ADRA1A: variants seen among roughly 807,000 people sequenced by gnomAD.
The protein encoded by ADRA1A is adrenoceptor alpha 1A.
ADRA1A carries 31 observed loss-of-function variants against 29.6 expected under a neutral mutation model. The observed-to-expected ratio is 1.05, with a 90% CI of 0.79 to 1.41. ADRA1A has a LOEUF of 1.41. ADRA1A is among the 40% of genes most tolerant of loss of function. The probability of loss-of-function intolerance (pLI) is 0.00; values close to 1 mark genes in which losing one functional copy is unlikely to be tolerated. For synonymous variants in ADRA1A, 311 were observed against 254.3 expected, an observed-to-expected ratio of 1.22 and a Z score of -2.12; for missense variants, 619 against 601.1, an observed-to-expected ratio of 1.03 and a Z score of -0.31.
intron 2 of ADRA1A, among the ~76,000 whole-genome samples, chr8:26,788,181 A>G (rs554675977): frequency 2.0e-5 from 3 of 152,322 alleles, no homozygotes; most frequent in South Asian, 2.1e-4. Flanking sequence ...GGCTACAGAA[A>G]GATAAGGTAT....
rs149575931 is a variant in ADRA1A, at chr8:26,866,211, G to T, written c.-686-556C>A. On this transcript the variant is annotated intron_variant, in intron 1 of 2. Coordinates refer to ENST00000380573, the MANE Select transcript of ADRA1A (RefSeq NM_000680.4). The surrounding 1 kb of genome is among the most constrained non-coding windows in gnomAD (Gnocchi z 5.7). Reference sequence around the variant, plus strand: ...CGCACTCGGGTGTGCAGAGCGCACCGGTCTGTCCACCAGCCAAGCTGGCTT... The same window carrying T: ...CGCACTCGGGTGTGCAGAGCGCACCTGTCTGTCCACCAGCCAAGCTGGCTT... Among the ~76,000 whole-genome samples, 22 of 152,306 alleles carry T rather than the reference G, an allele frequency of 1.4e-4. No individual in the cohort carries two copies. The South Asian group carries it at 4.6e-3, about 32-fold the overall frequency.
chr8:26,818,285 A>G (rs1483064805), intron 2 of ADRA1A, among the ~76,000 whole-genome samples: 2 of 152,210 alleles, frequency 1.3e-5, no homozygotes, highest in Admixed American at 6.5e-5. Context: ...ACAGAACTGG[A>G]CACTACAAAG....
At chr8:26,824,324 C>G (rs1481485916) in intron 2 of ADRA1A, among the ~76,000 whole-genome samples, 1 of 151,870 alleles carries the variant, frequency 6.6e-6, no homozygotes, top group Admixed American at 6.6e-5. Context: ...GATGGCAAAG[C>G]ATAGGAATTA....
At chr8:26,836,214 G>T (rs953026600) in intron 2 of ADRA1A, 14 of 243,648 alleles carry the variant, frequency 5.7e-5, no homozygotes, top group Non-Finnish European at 1.1e-4. Flanking sequence ...CTTGATTTTG[G>T]TCTTCATGTC....
intron 2 of ADRA1A, among the ~76,000 whole-genome samples, chr8:26,826,101 C>T (rs1810541766): frequency 6.6e-6 from 1 of 152,220 alleles, no homozygotes; most frequent in African/African-American, 2.4e-5. Context: ...CCCCTCAAAG[C>T]TCAGCTCAAA....
In ADRA1A at chr8:26,776,211, G is replaced by T. The variant is rs573126561; in HGVS notation, c.884-5545C>A. 2.0e-5 allele frequency among the ~76,000 whole-genome samples: 3 copies of T among 152,356 alleles called. No individual in the cohort carries two copies. In the South Asian group the frequency reaches 6.2e-4, roughly 32 times the overall value. ...AAAAGTTGGTGAGAGTAGGAACTGAGTTCTCGAATTCCTATCCAGCACTGG... is the reference window on the plus strand; with the variant it reads ...AAAAGTTGGTGAGAGTAGGAACTGATTTCTCGAATTCCTATCCAGCACTGG... On this transcript the variant is annotated intron_variant, in intron 2 of 2. Coordinates refer to ENST00000380573, the MANE Select transcript of ADRA1A (RefSeq NM_000680.4).
downstream of ADRA1A, among the ~76,000 whole-genome samples, chr8:26,767,360 T>G (rs745388969): frequency 1.5e-4 from 23 of 152,164 alleles, no homozygotes; most frequent in Admixed American, 2.6e-4. Context: ...TTTGGCATGC[T>G]TAAAGGTACA....
intron 2 of ADRA1A, among the ~76,000 whole-genome samples, chr8:26,810,039 C>T (rs1226254242): frequency 1.3e-5 from 2 of 152,202 alleles, no homozygotes; most frequent in Admixed American, 6.5e-5. Context: ...CCCTTGAAAA[C>T]CGGCTGCCCT....
At chr8:26,754,399 G>T (rs546744502), downstream of ADRA1A, among the ~76,000 whole-genome samples, 45 of 152,040 alleles carry the variant, frequency 3.0e-4, no homozygotes, top group African/African-American at 1.0e-3. Flanking sequence ...TAATGACATC[G>T]TCAACTTAGT....
At chr8:26,839,084 A>G (rs1811602264) in intron 2 of ADRA1A, among the ~76,000 whole-genome samples, 1 of 152,108 alleles carries the variant, frequency 6.6e-6, no homozygotes, top group Non-Finnish European at 1.5e-5. Context: ...TGATATAATG[A>G]TGGACTATGC....
At chr8:26,777,244 C>T (rs939856125) in intron 2 of ADRA1A, among the ~76,000 whole-genome samples, 4 of 152,176 alleles carry the variant, frequency 2.6e-5, no homozygotes, top group African/African-American at 9.7e-5. Flanking sequence ...AGAAGGTGGT[C>T]AGAATAACCA....
intron 2 of ADRA1A, among the ~76,000 whole-genome samples, chr8:26,861,335 C>T (rs1020295459): frequency 3.5e-5 from 5 of 142,180 alleles, no homozygotes; most frequent in African/African-American, 7.9e-5. Context: ...GATGGAGCCT[C>T]GCTCTGCACC....
chr8:26,761,262 A>G (rs1805490017), downstream of ADRA1A, among the ~76,000 whole-genome samples: 1 of 152,236 alleles, frequency 6.6e-6, no homozygotes, highest in African/African-American at 2.4e-5. Flanking sequence ...AGAAATTGGG[A>G]TGATCAGAAA....
chr8:26,762,210 C>T (rs1237415866), downstream of ADRA1A, among the ~76,000 whole-genome samples: 1 of 152,166 alleles, frequency 6.6e-6, no homozygotes, highest in African/African-American at 2.4e-5. This position sits in a 1 kb window ranked among gnomAD's most constrained non-coding sequence, Gnocchi z 4.0. Context: ...AGAAATACTG[C>T]AGCCACCCAC....
At chr8:26,832,006 G>A (rs1211356572) in intron 2 of ADRA1A, among the ~76,000 whole-genome samples, 2 of 152,238 alleles carry the variant, frequency 1.3e-5, no homozygotes, top group Non-Finnish European at 2.9e-5. Flanking sequence ...TCCATTTAGA[G>A]GAAGGAGCCA....
Position 26,862,378 on chromosome 8 carries a change from C to T in ADRA1A, c.883+1709G>A, listed in dbSNP as rs190137943. ...TTGTCTTTGTCACTTTCTAGCCTCT[C>T]ATCCTGTTGATTTTTTGATAGTGCA... On this transcript the variant is annotated intron_variant, in intron 2 of 2. Coordinates refer to ENST00000380573, the MANE Select transcript of ADRA1A (RefSeq NM_000680.4). 1.2e-4 allele frequency among the ~76,000 whole-genome samples: 19 copies of T among 152,342 alleles called. No homozygotes were observed. The East Asian group carries it at 2.7e-3, about 22-fold the overall frequency.
At chr8:26,837,806 CA>C (rs1487394899) in intron 2 of ADRA1A, among the ~76,000 whole-genome samples, 1 of 146,722 alleles carries the variant, frequency 6.8e-6, no homozygotes, top group Non-Finnish European at 1.5e-5. Flanking sequence ...AGTGAGCTGA[CA>C]TGTTTGGAGA....
In ADRA1A at chr8:26,769,465, G is replaced by A. The variant is rs1025359446; in HGVS notation, c.*684C>T. 1 of 985,248 alleles carries A rather than the reference G, an allele frequency of 1.0e-6. No homozygotes were observed. Among genetic ancestry groups the A allele is most frequent in the African/African-American group, 1.7e-5 (1 of 57,206 alleles). 61.0% of individuals were successfully genotyped at this position (985,248 alleles called of 1,614,324 possible). On this transcript the variant is annotated 3_prime_UTR_variant, in exon 3 of 3. Coordinates refer to ENST00000380573, the MANE Select transcript of ADRA1A (RefSeq NM_000680.4). Reference sequence around the variant, plus strand: ...TGGTTGGTTCTTTCAACCCTCTCCTGACCCAAGGATAGAGAACACTACATT... The same window carrying A: ...TGGTTGGTTCTTTCAACCCTCTCCTAACCCAAGGATAGAGAACACTACATT...
chr8:26,834,730 G>A (rs1811225833), intron 2 of ADRA1A, among the ~76,000 whole-genome samples: 1 of 152,216 alleles, frequency 6.6e-6, no homozygotes, highest in South Asian at 2.1e-4. Flanking sequence ...CAAGGGCAGA[G>A]TATCAAAGCA....
Sources: allele counts gnomAD v4.1 joint callset (sites outside exome capture counted in the v4.1 genomes callset), GRCh38; gene constraint gnomAD v4.1.1; non-coding constraint Gnocchi (gnomAD v3.1); transcripts MANE v1.5; gene names NCBI Gene and HGNC (gene_info 2026-07-23, HGNC 2026-07-21).